PUDP: variants seen among roughly 807,000 people sequenced by gnomAD.
The protein encoded by PUDP is pseudouridine 5'-phosphatase.
PUDP carries 8 observed loss-of-function variants against 9.4 expected under a neutral mutation model. The ratio of observed to expected loss-of-function variants is 0.85; its 90% CI spans 0.50 to 1.53. The LOEUF is 1.53. Among genes scored for constraint, PUDP ranks in the 40% most tolerant of loss-of-function variants. The pLI is 0.00. For synonymous variants in PUDP, 99 were observed against 80.7 expected (o/e 1.23, Z -1.22); for missense variants, 188 against 189.7 (o/e 0.99, Z 0.05).
At chrX:6,968,758 T>C (rs777775856) in intron 3 of PUDP, among the ~76,000 whole-genome samples, 8 of 110,884 alleles carry the variant, frequency 7.2e-5, no homozygotes, top group African/African-American at 2.6e-4. Context: ...TAGCTGGGAC[T>C]ACAGGCACGT....
intron 3 of PUDP, among the ~76,000 whole-genome samples, chrX:6,956,471 T>A (rs1323231503): frequency 9.0e-6 from 1 of 110,871 alleles, no homozygotes; most frequent in Admixed American, 9.6e-5. Flanking sequence ...AACAGATATG[T>A]AATATATCTG....
intron 3 of PUDP, among the ~76,000 whole-genome samples, chrX:6,802,397 T>A (rs950979703): frequency 9.0e-6 from 1 of 111,590 alleles, no homozygotes; most frequent in Non-Finnish European, 1.9e-5. Context: ...AAGATGATCA[T>A]CCTCATTTTA....
chrX:6,928,407 C>T (rs1602676559), intron 3 of PUDP, among the ~76,000 whole-genome samples: 1 of 111,393 alleles, frequency 9.0e-6, no homozygotes, highest in Non-Finnish European at 1.9e-5. Context: ...TTCAGCTCAG[C>T]GTGTCCAAAC....
intron 3 of PUDP, among the ~76,000 whole-genome samples, chrX:6,785,777 T>A (rs187861678): frequency 2.9e-3 from 328 of 111,777 alleles, no homozygotes; most frequent in Non-Finnish European, 5.0e-3. Flanking sequence ...AGCAACTTTA[T>A]AAGGAAGCCA....
At chrX:6,932,784 AC>A (rs1196870633) in intron 3 of PUDP, among the ~76,000 whole-genome samples, 5 of 111,772 alleles carry the variant, frequency 4.5e-5, no homozygotes, top group African/African-American at 1.6e-4. Flanking sequence ...CGCTTTTCAG[AC>A]GGGCTTAAAA....
At chrX:6,900,593 G>GAGAGAGGGATACGGAGAGGGAGAGAA (rs1307883879) in intron 3 of PUDP, among the ~76,000 whole-genome samples, 1 of 106,152 alleles carries the variant, frequency 9.4e-6, no homozygotes, top group African/African-American at 3.4e-5. Context: ...GGGAGAGAAA[G>GAGAGAGGGATACGGAGAGGGAGAGAA]AGAGAGAGAG....
chrX:6,941,597 G>T (rs1928400768), intron 3 of PUDP, among the ~76,000 whole-genome samples: 1 of 110,716 alleles, frequency 9.0e-6, no homozygotes, highest in Non-Finnish European at 1.9e-5. Flanking sequence ...CCAAAGTGCT[G>T]GGATTATAGG....
intron 3 of PUDP, among the ~76,000 whole-genome samples, chrX:6,771,101 C>T (rs1015108306): frequency 8.9e-5 from 10 of 111,876 alleles, no homozygotes; most frequent in Admixed American, 8.6e-4. Context: ...TCATTCCTAT[C>T]TGCCTTATTT....
intron 2 of PUDP, among the ~76,000 whole-genome samples, chrX:7,098,188 G>A (rs774427074): frequency 1.8e-5 from 2 of 112,449 alleles, no homozygotes; most frequent in South Asian, 7.4e-4. Flanking sequence ...GTCTGTTTGT[G>A]CTGCTATAAC....
chrX:6,931,787 A>T (rs1442353160), intron 3 of PUDP, among the ~76,000 whole-genome samples: 1 of 111,337 alleles, frequency 9.0e-6, no homozygotes. Flanking sequence ...ATCCCAAGAT[A>T]AAAAAGATCA....
At chrX:6,918,370 G>A (rs1274638728) in intron 3 of PUDP, among the ~76,000 whole-genome samples, 1 of 112,137 alleles carries the variant, frequency 8.9e-6, no homozygotes, top group African/African-American at 3.2e-5. Flanking sequence ...AGTTCCATGG[G>A]CATTCACTGA....
intron 3 of PUDP, among the ~76,000 whole-genome samples, chrX:6,727,852 G>T (rs12832138): frequency 9.0e-6 from 1 of 111,413 alleles, no homozygotes; most frequent in African/African-American, 3.3e-5. Flanking sequence ...TCAAGCTATC[G>T]ATGTCACTGT....
chrX:7,096,795 C>G (rs1324446705), intron 2 of PUDP, among the ~76,000 whole-genome samples: 1 of 111,177 alleles, frequency 9.0e-6, no homozygotes, highest in African/African-American at 3.3e-5. Flanking sequence ...ATGATAGCAC[C>G]ACTGCACTGC....
chrX:6,745,023 T>C (rs1924983191), intron 3 of PUDP, among the ~76,000 whole-genome samples: 1 of 111,930 alleles, frequency 8.9e-6, no homozygotes, highest in African/African-American at 3.2e-5. Flanking sequence ...TGACAATCCT[T>C]GGTGCATATA....
chrX:7,135,016 C>T (rs1260149185), intron 1 of PUDP, among the ~76,000 whole-genome samples: 2 of 112,001 alleles, frequency 1.8e-5, no homozygotes, highest in Non-Finnish European at 3.8e-5. Context: ...GAACAGGTAA[C>T]CTCCAGGGAA....
intron 3 of PUDP, among the ~76,000 whole-genome samples, chrX:6,766,496 G>A (rs1023513042): frequency 1.8e-5 from 2 of 111,423 alleles, no homozygotes; most frequent in Non-Finnish European, 3.8e-5. Flanking sequence ...CACTAGAAGT[G>A]GTAAAATGGT....
At chrX:6,768,834 T>C (rs1925319111) in intron 3 of PUDP, among the ~76,000 whole-genome samples, 1 of 111,414 alleles carries the variant, frequency 9.0e-6, no homozygotes, top group African/African-American at 3.3e-5. Flanking sequence ...TCACAACAGG[T>C]AGAACACACT....
chrX:6,770,395 T>A (rs1246597782), intron 3 of PUDP, among the ~76,000 whole-genome samples: 1 of 112,660 alleles, frequency 8.9e-6, no homozygotes, highest in Admixed American at 9.4e-5. Flanking sequence ...TGTTTCAGAG[T>A]TAAGAAACCA....
intron 3 of PUDP, among the ~76,000 whole-genome samples, chrX:6,757,935 G>A (rs909521216): frequency 8.9e-6 from 1 of 112,147 alleles, no homozygotes; most frequent in East Asian, 2.8e-4. Context: ...GCTTCAACGT[G>A]TGATTTGTCT....
Sources: allele counts gnomAD v4.1 joint callset (sites outside exome capture counted in the v4.1 genomes callset), GRCh38; gene constraint gnomAD v4.1.1; transcripts MANE v1.5; gene names NCBI Gene and HGNC (gene_info 2026-07-23, HGNC 2026-07-21).